Variants in R3HCC1 observed in about 807,000 individuals in gnomAD.
R3HCC1 encodes the protein R3H domain and coiled-coil containing 1, also known as R3H and coiled-coil domain-containing protein 1.
R3HCC1 carries 32 observed loss-of-function variants against 40.0 expected under a neutral mutation model. The observed-to-expected ratio is 0.80, with a 90% CI of 0.60 to 1.07. The LOEUF (loss-of-function observed/expected upper bound fraction) is 1.07. R3HCC1 is among the 50% of genes least tolerant of loss of function. The probability of loss-of-function intolerance (pLI) is 0.00; values close to 1 mark genes in which losing one functional copy is unlikely to be tolerated. For missense variants in R3HCC1, 586 were observed against 563.3 expected (o/e 1.04, Z -0.41); for synonymous variants, 237 against 232.8 (o/e 1.02, Z -0.17).
intron 6 of R3HCC1, among the ~76,000 whole-genome samples, chr8:23,294,224 G>T (rs1011027642): frequency 6.6e-6 from 1 of 152,180 alleles, no homozygotes; most frequent in Non-Finnish European, 1.5e-5. Context: ...AATGAGCTGT[G>T]GCTGGGGTTG....
At chr8:23,293,406 C>T (rs995506568) in intron 6 of R3HCC1, 33 bp downstream of exon 6, 18 of 1,515,808 alleles carry the variant, frequency 1.2e-5, no homozygotes, top group South Asian at 4.8e-5. Flanking sequence ...AGCCCTTGCT[C>T]GGATCCCTGT....
At chr8:23,294,968 C>T (rs1485329395) in intron 7 of R3HCC1, 104 bp downstream of exon 7, 3 of 863,270 alleles carry the variant, frequency 3.5e-6, no homozygotes, top group Non-Finnish European at 3.8e-6. Context: ...GCAGGGTCTT[C>T]CCCTCTGTTA....
In R3HCC1 at chr8:23,291,609, C is replaced by T; in HGVS notation, c.1025+76C>T. 5.9e-6 allele frequency: 9 copies of T among 1,524,278 alleles called. No homozygotes were observed. The South Asian group carries it at 9.8e-5, about 17-fold the overall frequency. The allele number at this position is 1,524,278 out of a possible 1,614,324, so 94.4% of individuals were successfully genotyped here. A position where few individuals can be genotyped will look rare whatever the true frequency, so the allele number is the denominator to read the frequency against. On this transcript the variant is annotated intron_variant, in intron 5 of 7. Coordinates refer to ENST00000265806, the MANE Select transcript of R3HCC1 (RefSeq NM_001136108.3). ...CTCTGTAGCTGGGGGTGCTTGCCTG[C>T]CCCACACCCAGTGCCTAATGCTTCA...
chr8:23,295,749 G>C (rs1249608408), intron 7 of R3HCC1: 17 of 616,516 alleles, frequency 2.8e-5, no homozygotes, highest in Non-Finnish European at 4.2e-5. Context: ...AGGGCATGTA[G>C]AGGCGACAAG....
intron 6 of R3HCC1, among the ~76,000 whole-genome samples, chr8:23,293,769 G>C (rs982210119): frequency 1.2e-4 from 19 of 152,136 alleles, no homozygotes; most frequent in African/African-American, 4.3e-4. Flanking sequence ...CTCGATTTTC[G>C]CTTCAGCCTC....
chr8:23,291,644 A>G, intron 5 of R3HCC1, 111 bp downstream of exon 5: 1 of 1,473,326 alleles, frequency 6.8e-7, no homozygotes, highest in Non-Finnish European at 9.1e-7. Flanking sequence ...AGCAAGAGAG[A>G]CAGAAAGTGG....
At chr8:23,289,743 T>C in intron 3 of R3HCC1, 123 bp from the exon 4 acceptor site, 2 of 1,342,852 alleles carry the variant, frequency 1.5e-6, no homozygotes, top group South Asian at 3.1e-5. Flanking sequence ...CGAGGGTCAT[T>C]TTGGCTGTGG....
chr8:23,296,247 GAAAA>G lies in R3HCC1; in HGVS notation c.*153_*156del. On this transcript the variant is annotated 3_prime_UTR_variant, in exon 8 of 8. Coordinates refer to ENST00000265806, the MANE Select transcript of R3HCC1 (RefSeq NM_001136108.3). ...GCTTTAGTTTAGTCCCAGAAATGGAGAAAAAATAAAAACTCACGTTGTTCTAATG... is the reference window on the plus strand; with the variant it reads ...GCTTTAGTTTAGTCCCAGAAATGGAGAATAAAAACTCACGTTGTTCTAATG... 1 of 953,258 alleles carries G rather than the reference GAAAA, an allele frequency of 1.0e-6. No individual in the cohort carries two copies. Among genetic ancestry groups the G allele is most frequent in the Non-Finnish European group, 1.5e-6 (1 of 676,184 alleles). The allele number at this position is 953,258 out of a possible 1,614,324, so 59.0% of individuals were successfully genotyped here.
In R3HCC1 at chr8:23,289,944, C is replaced by T. The variant is rs771666193; in HGVS notation, c.327C>T (p.Pro109=). 155 of 1,536,108 alleles carry T rather than the reference C, an allele frequency of 1.0e-4. No individual in the cohort carries two copies. Among genetic ancestry groups the T allele is most frequent in the Middle Eastern group, 1.7e-4 (1 of 6,012 alleles). Residue 109 remains proline, a synonymous_variant, in exon 4 of 8, where the codon CCC becomes CCT. Coordinates refer to ENST00000265806, the MANE Select transcript of R3HCC1 (RefSeq NM_001136108.3). ...CCAGCAGGTACCACGGTCCTCGGCC[C>T]ATCTCCAACCAAGGAGCAGCTGCGG...
intron 5 of R3HCC1, among the ~76,000 whole-genome samples, chr8:23,292,004 C>T (rs1282909878): frequency 6.6e-6 from 1 of 152,214 alleles, no homozygotes; most frequent in Non-Finnish European, 1.5e-5. Flanking sequence ...ACACGACTTC[C>T]CTCCTCCTCA....
intron 5 of R3HCC1, 122 bp downstream of exon 5, chr8:23,291,655 G>A (rs1410510268): frequency 2.1e-6 from 3 of 1,448,888 alleles, no homozygotes; most frequent in Admixed American, 4.5e-5. Context: ...CAGAAAGTGG[G>A]TGTGTTGCCT....
At chr8:23,292,496 C>T (rs1348330407) in intron 5 of R3HCC1, among the ~76,000 whole-genome samples, 3 of 152,178 alleles carry the variant, frequency 2.0e-5, no homozygotes, top group African/African-American at 4.8e-5. Context: ...CGCCTGTAGT[C>T]CCAGCTACTC....
At position 23,289,106 on chromosome 8, in the gene R3HCC1, TG is replaced by T; in HGVS notation, c.205del (p.Glu69ArgfsTer83). 6.5e-7 allele frequency: 1 copy of T among 1,536,338 alleles called. No homozygotes were observed. Among genetic ancestry groups the T allele is most frequent in the Non-Finnish European group, 8.7e-7 (1 of 1,146,940 alleles). ...TTGATCTCTTGAGCAGCTTCTCCGT[TG>T]GGGAGGGCTGGAAGAGGAGGACGGT... On this transcript the variant is annotated frameshift_variant, in exon 3 of 8. Coordinates refer to ENST00000265806, the MANE Select transcript of R3HCC1 (RefSeq NM_001136108.3). LOFTEE classifies it high-confidence loss of function.
rs1268163813 is a variant in R3HCC1 at position 23,290,173 on chromosome 8, G to A, written c.556G>A (p.Val186Met). The A allele has an allele frequency of 6.4e-7, 1 of 1,551,608 alleles. No individual in the cohort carries two copies. The highest frequency in any genetic ancestry group is 2.4e-5 in the East Asian group (1 of 40,926). ...CCCCAACTCTGATCAGGGACTCCCT[G>A]TGCTGATGACTCAGGGAACAGAGGA... is the stretch of plus-strand genomic sequence containing the variant. The change falls in exon 4 of 8, where the codon GTG becomes ATG. Residue 186 changes from valine (V) to methionine (M), a missense_variant. Coordinates refer to ENST00000265806, the MANE Select transcript of R3HCC1 (RefSeq NM_001136108.3).
At chr8:23,291,206 C>A (rs746964676) in intron 4 of R3HCC1, 155 bp from the exon 5 acceptor site, 2 of 1,071,776 alleles carry the variant, frequency 1.9e-6, no homozygotes, top group Non-Finnish European at 2.6e-6. Flanking sequence ...TGCGTCTTGA[C>A]GTCTTGACCT....
intron 5 of R3HCC1, among the ~76,000 whole-genome samples, chr8:23,291,769 G>GC (rs1178813176): frequency 6.6e-6 from 1 of 152,242 alleles, no homozygotes; most frequent in African/African-American, 2.4e-5. Flanking sequence ...GACCTGGGCT[G>GC]CCCCCCTGCA....
At chr8:23,293,133 C>T (rs1802905132) in intron 5 of R3HCC1, among the ~76,000 whole-genome samples, 170 bp from the exon 6 acceptor site, 1 of 152,106 alleles carries the variant, frequency 6.6e-6, no homozygotes, top group African/African-American at 2.4e-5. Flanking sequence ...ACCATATGGG[C>T]TTCAGAGGAA....
intron 2 of R3HCC1, 147 bp downstream of exon 2, chr8:23,288,780 G>A: frequency 2.7e-6 from 3 of 1,116,076 alleles, no homozygotes; most frequent in Admixed American, 2.5e-5. Flanking sequence ...TCTTTTAGCT[G>A]CATCTTTGTA....
At position 23,288,582 on chromosome 8, in the gene R3HCC1, A is replaced by T; in HGVS notation, c.59A>T (p.His20Leu). The change falls in exon 2 of 8, where the codon CAC (histidine) becomes CTC (leucine). Residue 20 changes from histidine to leucine, a missense_variant. Transcript: ENST00000265806. ...TCCTCAGCCGAGAATGACTTCGTCCACCGGATCCAGGAGGAACTGGACCGC... is the reference window on the plus strand; with the variant it reads ...TCCTCAGCCGAGAATGACTTCGTCCTCCGGATCCAGGAGGAACTGGACCGC... The T allele has an allele frequency of 3.3e-6, 5 of 1,535,616 alleles. No homozygotes were observed. Among genetic ancestry groups the T allele is most frequent in the Non-Finnish European group, 3.5e-6 (4 of 1,146,762 alleles).
Sources: gnomAD v4.1 joint callset for allele counts (sites outside exome capture counted in the v4.1 genomes callset) on GRCh38, gnomAD v4.1.1 for gene constraint, MANE v1.5 for transcripts, NCBI Gene and HGNC (gene_info 2026-07-23, HGNC 2026-07-21) for gene names.